Variants in AASDHPPT observed in about 807,000 individuals in gnomAD.
AASDHPPT encodes aminoadipate-semialdehyde dehydrogenase-phosphopantetheinyl transferase.
Under a neutral mutation model 36.4 loss-of-function variants are expected in AASDHPPT, and 23 were observed. That is an observed-to-expected ratio of 0.63 (90% CI 0.45 to 0.89). AASDHPPT has a LOEUF of 0.89. AASDHPPT is among the 40% of genes least tolerant of loss of function. The pLI is 0.00. For missense variants in AASDHPPT, 377 were observed against 378.2 expected (o/e 1.00, Z 0.03); for synonymous variants, 115 against 128.0 (o/e 0.90, Z 0.68).
chr11:106,091,440 T>G lies in AASDHPPT; in HGVS notation c.656T>G (p.Phe219Cys). 1 of 1,594,080 alleles carries G rather than the reference T, an allele frequency of 6.3e-7. No homozygotes were observed. ...IGQVYKETRLFLDGEEEKEWA... is the reference protein window; with the variant it reads ...IGQVYKETRLCLDGEEEKEWA... ...CAAGTTTATAAAGAAACACGTTTAT[T>G]CCTGGATGGAGAGGAAGAAAAAGAA... Residue 219 changes from phenylalanine to cysteine, a missense_variant, in exon 4 of 6, where the codon TTC becomes TGC. By Grantham distance (205) the Phe-to-Cys change is radical. Coordinates refer to ENST00000278618, the MANE Select transcript of AASDHPPT (RefSeq NM_015423.3).
Position 106,096,907 on chromosome 11 carries a change from A to C in AASDHPPT, c.930A>C (p.Ter310CysextTer1), listed in dbSNP as rs772876329. Residue 310 changes from the stop codon to cysteine, a stop_lost, in exon 6 of 6, where the codon TGA becomes TGC. Transcript: ENST00000278618. ...EIPIRNGTKS[*>C] The stretch of plus-strand genomic sequence containing the variant: ...CAATACGAAATGGTACAAAGTCATG[A>C]TGATTCCCTGAGTAACAAAGGGAAA... 1 of 1,596,182 alleles carries C rather than the reference A, an allele frequency of 6.3e-7. No individual in the cohort carries two copies. The highest frequency in any genetic ancestry group is 8.5e-7 in the Non-Finnish European group (1 of 1,173,478).
At chr11:106,092,358 G>T (rs910935232) in intron 4 of AASDHPPT, 2 of 152,112 alleles carry the variant, frequency 1.3e-5, no homozygotes, top group Non-Finnish European at 2.9e-5. Flanking sequence ...AAGATCATCT[G>T]TTGAGATACT....
intron 2 of AASDHPPT, among the ~76,000 whole-genome samples, chr11:106,079,900 C>T (rs1038278445): frequency 2.0e-5 from 3 of 152,048 alleles, no homozygotes; most frequent in South Asian, 2.1e-4. Flanking sequence ...ATAGATTATC[C>T]GTTACTGGGG....
chr11:106,094,645 A>G lies in AASDHPPT; in HGVS notation c.756A>G (p.Arg252=). 6.2e-7 allele frequency: 1 copy of G among 1,600,470 alleles called. No homozygotes were observed. Among genetic ancestry groups the G allele is most frequent in the South Asian group, 1.1e-5 (1 of 87,930 alleles). Residue 252 remains arginine (R), a synonymous_variant, in exon 5 of 6, where the codon AGA becomes AGG. Transcript: ENST00000278618. The part of the protein sequence containing the change: ...AVALRKPDGS[R]HQDVPSQDDS... ...CTCTTAGGAAACCCGATGGATCTAGACATCAGGATGTAAGATTTTAGGATT... is the reference window on the plus strand; with the variant it reads ...CTCTTAGGAAACCCGATGGATCTAGGCATCAGGATGTAAGATTTTAGGATT...
At chr11:106,079,329 CG>C in intron 1 of AASDHPPT, 137 bp from the exon 2 acceptor site, 1 of 667,850 alleles carries the variant, frequency 1.5e-6, no homozygotes, top group Non-Finnish European at 2.4e-6. Flanking sequence ...TCTTAATTAA[CG>C]TGTGTTTAAT....
intron 2 of AASDHPPT, among the ~76,000 whole-genome samples, chr11:106,088,321 A>G (rs1485156865): frequency 1.3e-5 from 2 of 152,022 alleles, no homozygotes; most frequent in African/African-American, 4.8e-5. Flanking sequence ...AGGTTATAAA[A>G]ATAAAATTTG....
rs1388686888 is a variant in AASDHPPT, at chr11:106,096,906, G to A, written c.929G>A (p.Ter310=). The A allele has an allele frequency of 6.3e-7, 1 of 1,595,514 alleles. No homozygotes were observed. The highest frequency in any genetic ancestry group is 2.3e-5 in the East Asian group (1 of 43,770). Residue 310 remains the stop codon, a stop_retained_variant, in exon 6 of 6, where the codon TGA becomes TAA. Coordinates refer to ENST00000278618, the MANE Select transcript of AASDHPPT (RefSeq NM_015423.3). Reference sequence around the variant, plus strand: ...CCAATACGAAATGGTACAAAGTCATGATGATTCCCTGAGTAACAAAGGGAA... The same window carrying A: ...CCAATACGAAATGGTACAAAGTCATAATGATTCCCTGAGTAACAAAGGGAA... The part of the protein sequence containing the change: ...EIPIRNGTKS[*]
At chr11:106,083,720 G>A (rs1861167596) in intron 2 of AASDHPPT, among the ~76,000 whole-genome samples, 1 of 152,110 alleles carries the variant, frequency 6.6e-6, no homozygotes. Flanking sequence ...GGTAGAATTG[G>A]TTAGTCATGT....
At chr11:106,089,072 T>C (rs1483943134) in intron 2 of AASDHPPT, among the ~76,000 whole-genome samples, 1 of 152,026 alleles carries the variant, frequency 6.6e-6, no homozygotes, top group African/African-American at 2.4e-5. Context: ...ATAAGGACCA[T>C]GTCTGTTTTG....
Position 106,077,709 on chromosome 11 carries a change from G to A in AASDHPPT, c.-2G>A. On this transcript the variant is annotated 5_prime_UTR_variant, in exon 1 of 6. Coordinates refer to ENST00000278618, the MANE Select transcript of AASDHPPT (RefSeq NM_015423.3). The stretch of plus-strand genomic sequence containing the variant: ...GATAGCGGCGAGGTCCGCTTTCAGT[G>A]TATGGTTTTCCCTGCCAAACGGTTC... 6.2e-7 allele frequency: 1 copy of A among 1,613,232 alleles called. No homozygotes were observed. Among genetic ancestry groups the A allele is most frequent in the Non-Finnish European group, 8.5e-7 (1 of 1,179,360 alleles).
chr11:106,097,546 G>C lies in AASDHPPT; in HGVS notation c.*639G>C, dbSNP rs1861328892. On this transcript the variant is annotated 3_prime_UTR_variant, in exon 6 of 6. Coordinates refer to ENST00000278618, the MANE Select transcript of AASDHPPT (RefSeq NM_015423.3). ...ATTAAAGACACACTTTTTTTGCCTT[G>C]ACCTCAGTTGGTTTGTTTTGCCTTA... 1 of 151,960 alleles carries C rather than the reference G, an allele frequency of 6.6e-6. No individual in the cohort carries two copies. The highest frequency in any genetic ancestry group is 6.6e-5 in the Admixed American group (1 of 15,256). 9.4% of individuals were successfully genotyped at this position (151,960 alleles called of 1,614,324 possible).
chr11:106,078,934 A>G (rs1447120736), intron 1 of AASDHPPT, among the ~76,000 whole-genome samples: 1 of 152,200 alleles, frequency 6.6e-6, no homozygotes, highest in Non-Finnish European at 1.5e-5. Context: ...CTAGAAATAC[A>G]TATGCACAGA....
chr11:106,087,632 T>A (rs550611640), intron 2 of AASDHPPT, among the ~76,000 whole-genome samples: 33 of 152,300 alleles, frequency 2.2e-4, no homozygotes, highest in Admixed American at 1.9e-3. Context: ...CCTGAGGTTC[T>A]GGATTTTTTT....
In AASDHPPT at chr11:106,094,605, A is replaced by G. The variant is rs775407217; in HGVS notation, c.716A>G (p.His239Arg). The G allele has an allele frequency of 1.2e-6, 2 of 1,608,250 alleles. No individual in the cohort carries two copies. Among genetic ancestry groups the G allele is most frequent in the African/African-American group, 1.3e-5 (1 of 74,692 alleles). ...AFEESKIDEH[H>R]FVAVALRKPD... ...CAGGAAAGCAAAATAGATGAGCACC[A>G]TTTTGTTGCAGTTGCTCTTAGGAAA... The change falls in exon 5 of 6, where the codon CAT becomes CGT. Residue 239 changes from histidine (H) to arginine (R), a missense_variant. By Grantham distance (29) the His-to-Arg change is conservative (BLOSUM62 0). Coordinates refer to ENST00000278618, the MANE Select transcript of AASDHPPT (RefSeq NM_015423.3).
rs1461870631 is a variant in AASDHPPT, at chr11:106,098,592, T to C, written c.*1685T>C. On this transcript the variant is annotated 3_prime_UTR_variant, in exon 6 of 6. Coordinates refer to ENST00000278618, the MANE Select transcript of AASDHPPT (RefSeq NM_015423.3). ...ATAGTAAATAAAGGTCAAGTAGCAT[T>C]TATAATAGAGGAAGTATTGTTATCC... is the stretch of plus-strand genomic sequence containing the variant. 1.3e-5 allele frequency: 2 copies of C among 151,964 alleles called. No individual in the cohort carries two copies. The highest frequency in any genetic ancestry group is 1.3e-4 in the Admixed American group (2 of 15,244). The allele number at this position is 151,964 out of a possible 1,614,324, so 9.4% of individuals were successfully genotyped here. A position where few individuals can be genotyped will look rare whatever the true frequency, so the allele number is the denominator to read the frequency against.
intron 2 of AASDHPPT, among the ~76,000 whole-genome samples, chr11:106,081,871 G>T (rs557064168): frequency 1.6e-4 from 25 of 152,048 alleles, no homozygotes; most frequent in African/African-American, 5.8e-4. Flanking sequence ...GTGGGGGAAG[G>T]GGGGAGGGAT....
chr11:106,089,817 A>G (rs1861235392), intron 2 of AASDHPPT, among the ~76,000 whole-genome samples: 1 of 151,946 alleles, frequency 6.6e-6, no homozygotes. Context: ...ATCTTTTGTC[A>G]TTTATTTTTA....
chr11:106,085,393 G>T (rs138667530), intron 2 of AASDHPPT, among the ~76,000 whole-genome samples: 7 of 152,150 alleles, frequency 4.6e-5, no homozygotes, highest in Non-Finnish European at 8.8e-5. Context: ...GAGCCACTGC[G>T]CCTGGCCAGT....
intron 4 of AASDHPPT, 189 bp from the exon 5 acceptor site, chr11:106,094,394 G>A (rs917167162): frequency 2.4e-6 from 1 of 411,360 alleles, no homozygotes; most frequent in Non-Finnish European, 4.3e-6. Flanking sequence ...TAAGAGTAAA[G>A]GGCCAGCACA....
Sources: gnomAD v4.1 joint callset for allele counts (sites outside exome capture counted in the v4.1 genomes callset) on GRCh38, gnomAD v4.1.1 for gene constraint, MANE v1.5 for transcripts, NCBI Gene and HGNC (gene_info 2026-07-23, HGNC 2026-07-21) for gene names.